Variants in SPTLC2 observed in about 807,000 individuals in gnomAD.
SPTLC2 encodes the protein serine palmitoyltransferase 2.
In SPTLC2, 21 loss-of-function variants were observed where a neutral mutation model predicts 62.0. That is an observed-to-expected ratio of 0.34 (90% CI 0.24 to 0.49). The LOEUF (loss-of-function observed/expected upper bound fraction) is 0.49, where lower values mean the gene tolerates loss of function less well. Among genes scored for constraint, SPTLC2 ranks in the 20% least tolerant of loss-of-function variants. The pLI, the probability that SPTLC2 is intolerant of heterozygous loss-of-function variation, is 0.99. For missense variants in SPTLC2, 511 were observed against 713.0 expected, an observed-to-expected ratio of 0.72 and a Z score of 3.23; for synonymous variants, 261 against 261.8, an observed-to-expected ratio of 1.00 and a Z score of 0.03.
At chr14:77,517,895 G>T in intron 11 of SPTLC2, 143 bp downstream of exon 11, 3 of 1,325,174 alleles carry the variant, frequency 2.3e-6, no homozygotes, top group Non-Finnish European at 3.2e-6. Flanking sequence ...TTTTGTAAAT[G>T]CCAATGTTTT....
chr14:77,579,461 A>C (rs1363874821), intron 2 of SPTLC2, among the ~76,000 whole-genome samples: 2 of 152,198 alleles, frequency 1.3e-5, no homozygotes, highest in Non-Finnish European at 2.9e-5. Flanking sequence ...ATTAACTGCT[A>C]AATCAGGACA....
chr14:77,555,184 A>T, intron 8 of SPTLC2, 116 bp downstream of exon 8: 1 of 1,178,270 alleles, frequency 8.5e-7, no homozygotes, highest in Admixed American at 1.7e-5. Flanking sequence ...TATGAGCCTA[A>T]ACCAGAGGCA....
intron 4 of SPTLC2, 73 bp from the exon 5 acceptor site, chr14:77,570,581 G>T: frequency 2.6e-6 from 4 of 1,535,784 alleles, no homozygotes; most frequent in South Asian, 1.2e-5. Context: ...TTTATTAAAA[G>T]AAATCATAGT....
intron 1 of SPTLC2, among the ~76,000 whole-genome samples, chr14:77,607,495 CTT>C (rs752290110): frequency 6.6e-6 from 1 of 152,064 alleles, no homozygotes; most frequent in Non-Finnish European, 1.5e-5. Flanking sequence ...CTGAGATTTT[CTT>C]TTTTTATTTT....
At chr14:77,588,431 C>A (rs1028583943) in intron 2 of SPTLC2, among the ~76,000 whole-genome samples, 1 of 151,738 alleles carries the variant, frequency 6.6e-6, no homozygotes, top group Non-Finnish European at 1.5e-5. Flanking sequence ...TGGTGGATGC[C>A]TATAATCCCA....
intron 5 of SPTLC2, among the ~76,000 whole-genome samples, chr14:77,563,549 C>T (rs1414507716): frequency 6.6e-6 from 1 of 152,180 alleles, no homozygotes; most frequent in Non-Finnish European, 1.5e-5. Flanking sequence ...CCTCAGCGTC[C>T]CAGCTAGCTG....
chr14:77,552,854 TAAAC>T (rs1281527907), intron 8 of SPTLC2, among the ~76,000 whole-genome samples: 2 of 151,394 alleles, frequency 1.3e-5, no homozygotes, highest in Non-Finnish European at 2.9e-5. Context: ...ACAGCTGAAT[TAAAC>T]AAGGTGTTTG....
intron 9 of SPTLC2, among the ~76,000 whole-genome samples, chr14:77,548,605 G>T (rs1294913110): frequency 6.6e-6 from 1 of 152,176 alleles, no homozygotes; most frequent in East Asian, 1.9e-4. Flanking sequence ...CCTGTGCTCA[G>T]TATTCCCACT....
intron 9 of SPTLC2, among the ~76,000 whole-genome samples, chr14:77,547,154 C>T (rs1036684260): frequency 6.7e-5 from 10 of 148,750 alleles, no homozygotes; most frequent in Admixed American, 3.4e-4. Context: ...TGTGAGCCAT[C>T]GCACCCGGCG....
At chr14:77,578,759 C>T in intron 3 of SPTLC2, 196 bp downstream of exon 3, 1 of 549,526 alleles carries the variant, frequency 1.8e-6, no homozygotes, top group Middle Eastern at 5.0e-4. Flanking sequence ...AACTATAATC[C>T]AACACAGTAT....
intron 9 of SPTLC2, among the ~76,000 whole-genome samples, chr14:77,538,157 T>C (rs1464322211): frequency 6.6e-6 from 1 of 152,232 alleles, no homozygotes; most frequent in African/African-American, 2.4e-5. Context: ...CCCTCTACGA[T>C]GCTATGAACT....
chr14:77,529,207 A>T (rs997347552), intron 9 of SPTLC2, among the ~76,000 whole-genome samples: 1 of 151,340 alleles, frequency 6.6e-6, no homozygotes, highest in African/African-American at 2.4e-5. Context: ...ATAGAGAGAG[A>T]AAGAACACAT....
chr14:77,552,141 T>C lies in SPTLC2; in HGVS notation c.1258A>G (p.Ile420Val), dbSNP rs1188742801. ...SLSPPVVEQIITSMKCIMGQD... is the reference protein window; with the variant it reads ...SLSPPVVEQIVTSMKCIMGQD... ...CCCATGATGCACTTCATGGAGGTGA[T>C]GATCTGCTCCACTACAGGAGGTGAC... Residue 420 changes from isoleucine (I) to valine (V), a missense_variant, in exon 9 of 12, where the codon ATC becomes GTC. By Grantham distance (29) the Ile-to-Val change is conservative. Coordinates refer to ENST00000216484, the MANE Select transcript of SPTLC2 (RefSeq NM_004863.4). The C allele has an allele frequency of 6.2e-7, 1 of 1,614,204 alleles. No individual in the cohort carries two copies.
At chr14:77,553,381 C>G (rs1244646903) in intron 8 of SPTLC2, among the ~76,000 whole-genome samples, 1 of 152,096 alleles carries the variant, frequency 6.6e-6, no homozygotes, top group African/African-American at 2.4e-5. Context: ...TACTAAAAAA[C>G]AACTCTCCAA....
chr14:77,536,112 G>A (rs2079468732), intron 9 of SPTLC2: 2 of 362,944 alleles, frequency 5.5e-6, no homozygotes, highest in Admixed American at 4.0e-5. Flanking sequence ...TATTTCTAGA[G>A]CCTAGATTTT....
intron 9 of SPTLC2, among the ~76,000 whole-genome samples, chr14:77,522,776 T>C (rs1044100506): frequency 6.6e-6 from 1 of 152,240 alleles, no homozygotes; most frequent in African/African-American, 2.4e-5. Context: ...AAGGCTGCAG[T>C]AATTTTCATA....
chr14:77,512,269 G>C lies in SPTLC2; in HGVS notation c.*15C>G. ...TGGGTGAGGGAGAGTTCCTCTGAGGGAGCACCAAAAAGGCTCAGTCTTCTG... is the reference window on the plus strand; with the variant it reads ...TGGGTGAGGGAGAGTTCCTCTGAGGCAGCACCAAAAAGGCTCAGTCTTCTG... On this transcript the variant is annotated 3_prime_UTR_variant, in exon 12 of 12. Transcript: ENST00000216484. The C allele has an allele frequency of 6.2e-7, 1 of 1,613,466 alleles. No homozygotes were observed. The highest frequency in any genetic ancestry group is 8.5e-7 in the Non-Finnish European group (1 of 1,179,992).
chr14:77,550,262 T>G (rs1409135915), intron 9 of SPTLC2, among the ~76,000 whole-genome samples: 2 of 152,236 alleles, frequency 1.3e-5, no homozygotes, highest in African/African-American at 4.8e-5. Context: ...GAAAAAATGT[T>G]AAGGTAAAAT....
chr14:77,569,050 G>A (rs535296283), intron 5 of SPTLC2, among the ~76,000 whole-genome samples: 1 of 152,094 alleles, frequency 6.6e-6, no homozygotes, highest in Non-Finnish European at 1.5e-5. Flanking sequence ...AGGCATAAAT[G>A]GGATAAGCAC....
Sources: allele counts gnomAD v4.1 joint callset (sites outside exome capture counted in the v4.1 genomes callset), GRCh38; gene constraint gnomAD v4.1.1; transcripts MANE v1.5; gene names NCBI Gene and HGNC (gene_info 2026-07-23, HGNC 2026-07-21).